Variants in FOXL3 observed in about 807,000 individuals in gnomAD.
FOXL3 encodes the protein forkhead box L3, also known as forkhead box protein L3.
A neutral mutation model predicts 10.9 loss-of-function variants in FOXL3; 16 were observed. The ratio of observed to expected loss-of-function variants is 1.46; its 90% confidence interval spans 0.99 to 2.22. The LOEUF (loss-of-function observed/expected upper bound fraction) is 2.22, where lower values mean the gene tolerates loss of function less well. Among genes scored for constraint, FOXL3 ranks in the 30% most tolerant of loss-of-function variants. The probability of loss-of-function intolerance (pLI) is 0.00; values close to 1 mark genes in which losing one functional copy is unlikely to be tolerated. For missense variants in FOXL3, 400 were observed against 337.9 expected, an observed-to-expected ratio of 1.18 and a Z score of -1.44; for synonymous variants, 170 against 152.0, an observed-to-expected ratio of 1.12 and a Z score of -0.87.
Position 290,666 on chromosome 7 carries a change from A to G in FOXL3, c.121A>G (p.Ile41Val). The change falls in exon 2 of 3, where the codon ATC becomes GTC. Residue 41 changes from isoleucine (I) to valine (V), a missense_variant. By Grantham distance (29) the Ile-to-Val change is conservative. Coordinates refer to ENST00000506382, the MANE Select transcript of FOXL3 (RefSeq NM_001374838.1). ...TRPAYSYIAL[I>V]AMAIQQSPAG... Reference sequence around the variant, plus strand: ...CGGGCTCCGCAGCTACATCGCCTTGATCGCCATGGCCATTCAGCAGAGCCC... The same window carrying G: ...CGGGCTCCGCAGCTACATCGCCTTGGTCGCCATGGCCATTCAGCAGAGCCC... The G allele has an allele frequency of 7.0e-7, 1 of 1,419,424 alleles. No individual in the cohort carries two copies. The highest frequency in any genetic ancestry group is 9.2e-7 in the Non-Finnish European group (1 of 1,090,812). The allele number at this position is 1,419,424 out of a possible 1,614,324, so 87.9% of individuals were successfully genotyped here.
intron 1 of FOXL3, 70 bp downstream of exon 1, chr7:290,346 G>A: frequency 4.9e-6 from 6 of 1,229,536 alleles, no homozygotes; most frequent in African/African-American, 1.5e-5. Flanking sequence ...AGGTAGCCGG[G>A]ACCTGCCTGG....
At chr7:290,531 G>C (rs1778618019) in intron 1 of FOXL3, 122 bp from the exon 2 acceptor site, 21 of 1,050,380 alleles carry the variant, frequency 2.0e-5, no homozygotes, top group South Asian at 5.2e-5. Context: ...CGCGAGCTGC[G>C]GGGACACTTT....
rs909257069 is a variant in FOXL3, at chr7:290,737, C to T, written c.192C>T (p.Arg64=). ...TLSGIYDFIM[R]KFPYYRANQR... is the part of the protein sequence containing the mutation. ...CCGGCATCTACGACTTCATCATGCG[C>T]AAATTCCCCTATTACCGCGCCAACC... is the stretch of plus-strand genomic sequence containing the variant. The change falls in exon 2 of 3, where the codon CGC becomes CGT. Residue 64 remains arginine, a synonymous_variant. Coordinates refer to ENST00000506382, the MANE Select transcript of FOXL3 (RefSeq NM_001374838.1). 2.7e-6 allele frequency: 4 copies of T among 1,495,374 alleles called. No homozygotes were observed. The highest frequency in any genetic ancestry group is 3.5e-6 in the Non-Finnish European group (4 of 1,127,724). 92.6% of individuals were successfully genotyped at this position (1,495,374 alleles called of 1,614,324 possible). A position where few individuals can be genotyped will look rare whatever the true frequency, so the allele number is the denominator to read the frequency against.
chr7:291,463 T>G lies in FOXL3; in HGVS notation c.677T>G (p.Val226Gly), dbSNP rs1180918189. The G allele has an allele frequency of 8.1e-7, 1 of 1,236,830 alleles. No homozygotes were observed. The highest frequency in any genetic ancestry group is 1.0e-6 in the Non-Finnish European group (1 of 989,176). 76.6% of individuals were successfully genotyped at this position (1,236,830 alleles called of 1,614,324 possible). Residue 226 changes from valine (V) to glycine (G), a missense_variant, in exon 3 of 3, where the codon GTG becomes GGG. Val to Gly is a moderately radical substitution (Grantham distance 109, BLOSUM62 -3). Coordinates refer to ENST00000506382, the MANE Select transcript of FOXL3 (RefSeq NM_001374838.1). ...GGCAGATACCCGCGGCTGGAGAACGTGGGACTCCACTTTTGGACAATGTGA... is the reference window on the plus strand; with the variant it reads ...GGCAGATACCCGCGGCTGGAGAACGGGGGACTCCACTTTTGGACAATGTGA... ...QEGRYPRLEN[V>G]GLHFWTM
intron 2 of FOXL3, 65 bp from the exon 3 acceptor site, chr7:290,998 G>A (rs1778633426): frequency 7.6e-7 from 1 of 1,314,970 alleles, no homozygotes; most frequent in Non-Finnish European, 9.7e-7. Flanking sequence ...GCGCCCCGAG[G>A]GGACAAGGCG....
Position 290,944 on chromosome 7 carries a change from G to T in FOXL3, c.277-119G>T, listed in dbSNP as rs551903416. 15 of 1,276,802 alleles carry T rather than the reference G, an allele frequency of 1.2e-5. No individual in the cohort carries two copies. In the African/African-American group the frequency reaches 2.2e-4, roughly 19 times the overall value. 79.1% of individuals were successfully genotyped at this position (1,276,802 alleles called of 1,614,324 possible). A position where few individuals can be genotyped will look rare whatever the true frequency, so the allele number is the denominator to read the frequency against. On this transcript the variant is annotated intron_variant, in intron 2 of 2. Transcript: ENST00000506382. ...GGGAGGTCCGTCCTCAGCCCACGGG[G>T]CCGCCTCCACCTGCGCAGTGCGCCA...
rs1226852012 is a variant in FOXL3 at position 291,428 on chromosome 7, C to T, written c.642C>T (p.Leu214=). Residue 214 remains leucine, a synonymous_variant, in exon 3 of 3, where the codon CTC becomes CTT. Transcript: ENST00000506382. The part of the protein sequence containing the change: ...DPFPGLKPPC[L]AQEGRYPRLE... ...TCCCTGGGCTCAAGCCGCCCTGCCT[C>T]GCACAAGAGGGCAGATACCCGCGGC... 10 of 1,251,420 alleles carry T rather than the reference C, an allele frequency of 8.0e-6. No individual in the cohort carries two copies. Among genetic ancestry groups the T allele is most frequent in the African/African-American group, 3.1e-5 (2 of 64,630 alleles). The allele number at this position is 1,251,420 out of a possible 1,614,324, so 77.5% of individuals were successfully genotyped here.
chr7:290,336 A>C (rs774686032), intron 1 of FOXL3, 60 bp downstream of exon 1: 1 of 1,342,196 alleles, frequency 7.5e-7, no homozygotes, highest in Non-Finnish European at 1.0e-6. Flanking sequence ...CAAGGGTCCC[A>C]GGTAGCCGGG....
intron 1 of FOXL3, among the ~76,000 whole-genome samples, 185 bp downstream of exon 1, chr7:290,461 G>T (rs767981188): frequency 6.6e-6 from 1 of 152,180 alleles, no homozygotes; most frequent in African/African-American, 2.4e-5. Flanking sequence ...TCTTGGCCTC[G>T]CGGGGAGGGG....
rs1416579805 is a variant in FOXL3 at position 291,332 on chromosome 7, TC to T, written c.551del (p.Pro184ArgfsTer?). 1.0e-5 allele frequency: 13 copies of T among 1,271,410 alleles called. No homozygotes were observed. Among genetic ancestry groups the T allele is most frequent in the South Asian group, 5.7e-5 (2 of 35,266 alleles). The allele number at this position is 1,271,410 out of a possible 1,614,324, so 78.8% of individuals were successfully genotyped here. On this transcript the variant is annotated frameshift_variant, in exon 3 of 3. Transcript: ENST00000506382. LOFTEE classifies it low-confidence loss of function (END_TRUNC). ...PGREPPASPA[P>X]PGKEHPRDLK... ...GCCGTGAGCCCCCCGCCAGCCCCGC[TC>T]CCCCGGGGAAGGAGCACCCCCGGGA...
intron 2 of FOXL3, 96 bp downstream of exon 2, chr7:290,917 C>T (rs1778631177): frequency 1.5e-6 from 2 of 1,296,454 alleles, no homozygotes; most frequent in Non-Finnish European, 2.0e-6. Context: ...GCGGCGGCTT[C>T]AGGGAGGTCC....
At chr7:290,976 C>T in intron 2 of FOXL3, 87 bp from the exon 3 acceptor site, 1 of 1,288,346 alleles carries the variant, frequency 7.8e-7, no homozygotes, top group Non-Finnish European at 9.8e-7. Context: ...GCCACCCTCG[C>T]CCCGGTCCAG....
In FOXL3 at chr7:291,244, C is replaced by A; in HGVS notation, c.458C>A (p.Pro153Gln). The change falls in exon 3 of 3, where the codon CCG becomes CAG. Residue 153 changes from proline to glutamine, a missense_variant. Transcript: ENST00000506382. ...RAGGAQGPSG[P>Q]SEPPAAQGRL... ...GGGGGCGCCCAGGGGCCGTCGGGTC[C>A]GTCCGAGCCGCCCGCCGCTCAGGGG... 2 of 1,165,540 alleles carry A rather than the reference C, an allele frequency of 1.7e-6. No homozygotes were observed. Among genetic ancestry groups the A allele is most frequent in the Non-Finnish European group, 2.1e-6 (2 of 945,620 alleles). 72.2% of individuals were successfully genotyped at this position (1,165,540 alleles called of 1,614,324 possible).
chr7:291,484 T>C lies in FOXL3; in HGVS notation c.698T>C (p.Met233Thr). 1 of 1,233,950 alleles carries C rather than the reference T, an allele frequency of 8.1e-7. No individual in the cohort carries two copies. Among genetic ancestry groups the C allele is most frequent in the Non-Finnish European group, 1.0e-6 (1 of 987,614 alleles). 76.4% of individuals were successfully genotyped at this position (1,233,950 alleles called of 1,614,324 possible). Residue 233 changes from methionine (M) to threonine (T), a missense_variant, in exon 3 of 3, where the codon ATG becomes ACG. Transcript: ENST00000506382. The part of the protein sequence containing the change: ...LENVGLHFWT[M>T] ...AACGTGGGACTCCACTTTTGGACAATGTGATGTGGAGCCACCCTGGAGGCC... is the reference window on the plus strand; with the variant it reads ...AACGTGGGACTCCACTTTTGGACAACGTGATGTGGAGCCACCCTGGAGGCC...
intron 1 of FOXL3, 51 bp downstream of exon 1, chr7:290,327 A>C (rs1047528191): frequency 5.0e-6 from 7 of 1,409,978 alleles, no homozygotes; most frequent in Non-Finnish European, 6.8e-6. Context: ...CACCCCCTGC[A>C]AGGGTCCCAG....
rs1332491506 is a variant in FOXL3 at position 291,069 on chromosome 7, C to G, written c.283C>G (p.Arg95Gly). ...SLNSCFVKVP[R>G]SEGHEKGKGN... is the part of the protein sequence containing the mutation. ...CCTCCCTCCGCGCGCGCAGGTGCCG[C>G]GGTCCGAGGGCCACGAGAAGGGCAA... The change falls in exon 3 of 3, where the codon CGG becomes GGG. Residue 95 changes from arginine to glycine, a missense_variant. By Grantham distance (125) the Arg-to-Gly change is moderately radical (BLOSUM62 -2). Transcript: ENST00000506382. The G allele has an allele frequency of 1.4e-6, 2 of 1,405,334 alleles. No homozygotes were observed. The highest frequency in any genetic ancestry group is 3.1e-5 in the Admixed American group (1 of 32,508). 87.1% of individuals were successfully genotyped at this position (1,405,334 alleles called of 1,614,324 possible).
In FOXL3 at chr7:290,253, G is replaced by A; in HGVS notation, c.84G>A (p.Lys28=). The A allele has an allele frequency of 6.5e-7, 1 of 1,535,966 alleles. No individual in the cohort carries two copies. The highest frequency in any genetic ancestry group is 8.7e-7 in the Non-Finnish European group (1 of 1,146,796). The stretch of plus-strand genomic sequence containing the variant: ...CCGCCGGCAGCTCCGACGAAGACAA[G>A]AGGCTCACGCGGCCCGCGTACAGGT... ...DYPAGSSDED[K]RLTRPAYSYI... Residue 28 remains lysine, a synonymous_variant, in exon 1 of 3, where the codon AAG becomes AAA. Coordinates refer to ENST00000506382, the MANE Select transcript of FOXL3 (RefSeq NM_001374838.1).
At chr7:290,370 C>A in intron 1 of FOXL3, 94 bp downstream of exon 1, 2 of 1,013,910 alleles carry the variant, frequency 2.0e-6, no homozygotes, top group South Asian at 1.4e-5. Flanking sequence ...GAAGGAAGGG[C>A]GGGGGAGCTT....
Position 290,712 on chromosome 7 carries a change from C to T in FOXL3, c.167C>T (p.Ser56Phe), listed in dbSNP as rs1778624244. ...QQSPAGRVTL[S>F]GIYDFIMRKF... is the part of the protein sequence containing the mutation. Reference sequence around the variant, plus strand: ...AGCCCCGCGGGGAGGGTGACCCTGTCCGGCATCTACGACTTCATCATGCGC... The same window carrying T: ...AGCCCCGCGGGGAGGGTGACCCTGTTCGGCATCTACGACTTCATCATGCGC... The change falls in exon 2 of 3, where the codon TCC (serine) becomes TTC (phenylalanine). Residue 56 changes from serine (S) to phenylalanine (F), a missense_variant. Physicochemically the swap from Ser to Phe is radical, Grantham distance 155 (BLOSUM62 -2). Coordinates refer to ENST00000506382, the MANE Select transcript of FOXL3 (RefSeq NM_001374838.1). The T allele has an allele frequency of 3.4e-6, 5 of 1,478,438 alleles. No individual in the cohort carries two copies. Among genetic ancestry groups the T allele is most frequent in the Middle Eastern group, 1.7e-4 (1 of 5,776 alleles). 91.6% of individuals were successfully genotyped at this position (1,478,438 alleles called of 1,614,324 possible). A position where few individuals can be genotyped will look rare whatever the true frequency, so the allele number is the denominator to read the frequency against.
Sources: allele counts gnomAD v4.1 joint callset (sites outside exome capture counted in the v4.1 genomes callset), GRCh38; gene constraint gnomAD v4.1.1; transcripts MANE v1.5; gene names NCBI Gene and HGNC (gene_info 2026-07-23, HGNC 2026-07-21).